MARCHF1: variants seen among roughly 807,000 people sequenced by gnomAD.
MARCHF1 encodes E3 ubiquitin-protein ligase MARCHF1.
A neutral mutation model predicts 54.2 loss-of-function variants in MARCHF1; 40 were observed. That is an observed-to-expected ratio of 0.74 (90% CI 0.57 to 0.96). The LOEUF (loss-of-function observed/expected upper bound fraction) is 0.96. Ranked by LOEUF, MARCHF1 falls within the 40% of genes least tolerant of loss-of-function variation. The probability of loss-of-function intolerance (pLI) is 0.00; values close to 1 mark genes in which losing one functional copy is unlikely to be tolerated. For missense variants in MARCHF1, 586 were observed against 656.5 expected (o/e 0.89, Z 1.17); for synonymous variants, 236 against 236.3 (o/e 1.00, Z 0.01).
At chr4:163,724,239 G>C (rs1257944431) in intron 4 of MARCHF1, among the ~76,000 whole-genome samples, 1 of 152,148 alleles carries the variant, frequency 6.6e-6, no homozygotes, top group Non-Finnish European at 1.5e-5. Flanking sequence ...CCTTCTAATG[G>C]TCACGATCCT....
At chr4:164,351,110 C>A (rs1219549682) in intron 1 of MARCHF1, among the ~76,000 whole-genome samples, 1 of 152,212 alleles carries the variant, frequency 6.6e-6, no homozygotes, top group Non-Finnish European at 1.5e-5. Flanking sequence ...TCGGAGGGTC[C>A]TACCCCACGG....
chr4:164,260,038 C>T (rs13132038), intron 1 of MARCHF1, among the ~76,000 whole-genome samples: 17,697 of 152,016 alleles, frequency 0.12, 1,621 homozygotes, highest in African/African-American at 0.25. Flanking sequence ...AACATATAAC[C>T]GGGGTGAGAA....
At chr4:164,013,973 G>A (rs1029599066) in intron 2 of MARCHF1, among the ~76,000 whole-genome samples, 2 of 151,922 alleles carry the variant, frequency 1.3e-5, no homozygotes, top group Admixed American at 1.3e-4. Flanking sequence ...GATGCAGGTG[G>A]ATCAAGAGAT....
At chr4:163,631,286 A>C (rs1370432006) in intron 5 of MARCHF1, among the ~76,000 whole-genome samples, 3 of 151,918 alleles carry the variant, frequency 2.0e-5, no homozygotes, top group African/African-American at 7.3e-5. Context: ...TCTGCCTCAC[A>C]GATTCAAGCA....
chr4:164,202,061 G>A (rs1329601270), intron 1 of MARCHF1, among the ~76,000 whole-genome samples: 1 of 152,188 alleles, frequency 6.6e-6, no homozygotes, highest in Non-Finnish European at 1.5e-5. Context: ...AGCTCTGCTG[G>A]AACTTGCAAC....
In MARCHF1 at chr4:164,122,400, C is replaced by T. The variant is rs148314915; in HGVS notation, c.-322-10738G>A. Reference sequence around the variant, plus strand: ...TTTGTGCCAATAATGTTCAAGATGGCGGCTCCATCTTTCCTTCTCTTTGTC... The same window carrying T: ...TTTGTGCCAATAATGTTCAAGATGGTGGCTCCATCTTTCCTTCTCTTTGTC... On this transcript the variant is annotated intron_variant, in intron 1 of 9. Transcript: ENST00000514618. Among the ~76,000 whole-genome samples the T allele has an allele frequency of 1.4e-3, 212 of 152,114 alleles. 7 individuals are homozygous for T. The East Asian group carries it at 0.033, about 24-fold the overall frequency.
intron 4 of MARCHF1, among the ~76,000 whole-genome samples, chr4:163,849,898 G>A (rs1240578787): frequency 6.6e-6 from 1 of 150,596 alleles, no homozygotes; most frequent in Non-Finnish European, 1.5e-5. Context: ...TTTCTATACT[G>A]ATTACTAAGT....
intron 3 of MARCHF1, among the ~76,000 whole-genome samples, chr4:163,860,482 T>G (rs1276039651): frequency 3.9e-5 from 6 of 152,116 alleles, no homozygotes. Flanking sequence ...TTGCAGAGGT[T>G]TACTAACCCA....
At chr4:163,833,741 C>T (rs1749098186) in intron 4 of MARCHF1, among the ~76,000 whole-genome samples, 1 of 152,080 alleles carries the variant, frequency 6.6e-6, no homozygotes, top group Admixed American at 6.6e-5. Flanking sequence ...TGGTGTGGGG[C>T]ATGTCATTTT....
intron 1 of MARCHF1, among the ~76,000 whole-genome samples, chr4:164,181,046 G>C (rs370803626): frequency 8.5e-5 from 13 of 152,066 alleles, no homozygotes; most frequent in African/African-American, 2.9e-4. Context: ...TTTTACTGGA[G>C]TCCCACTGCT....
chr4:164,069,827 C>T (rs1228305066), intron 2 of MARCHF1, among the ~76,000 whole-genome samples: 1 of 152,094 alleles, frequency 6.6e-6, no homozygotes, highest in African/African-American at 2.4e-5. Context: ...ATGTTTATCA[C>T]CATGAAATTT....
chr4:164,321,807 T>G (rs987543166), intron 1 of MARCHF1, among the ~76,000 whole-genome samples: 1 of 152,138 alleles, frequency 6.6e-6, no homozygotes, highest in African/African-American at 2.4e-5. Flanking sequence ...AATCAATGGC[T>G]CTTGTATTTA....
intron 9 of MARCHF1, 48 bp downstream of exon 9, chr4:163,545,548 G>A (rs758121722): frequency 1.3e-6 from 2 of 1,580,898 alleles, no homozygotes; most frequent in Admixed American, 1.8e-5. Context: ...CCACCTCTGA[G>A]TATTGTCTTT....
At chr4:164,041,675 T>C (rs912867711) in intron 2 of MARCHF1, among the ~76,000 whole-genome samples, 4 of 152,086 alleles carry the variant, frequency 2.6e-5, no homozygotes, top group Admixed American at 6.6e-5. Flanking sequence ...TCAACATCAA[T>C]GGGAAAATAA....
At chr4:163,733,222 C>T (rs1357852017) in intron 4 of MARCHF1, among the ~76,000 whole-genome samples, 7 of 13,072 alleles carry the variant, frequency 5.4e-4, no homozygotes, top group Admixed American at 1.7e-3. Context: ...TATATATATA[C>T]ACGTGTATAT....
At chr4:164,065,822 G>A (rs1430005079) in intron 2 of MARCHF1, among the ~76,000 whole-genome samples, 1 of 152,206 alleles carries the variant, frequency 6.6e-6, no homozygotes, top group Non-Finnish European at 1.5e-5. Flanking sequence ...AGAACCTGGA[G>A]TCTGATGTCC....
chr4:163,536,492 A>G (rs1476966181), intron 9 of MARCHF1, among the ~76,000 whole-genome samples: 1 of 152,094 alleles, frequency 6.6e-6, no homozygotes, highest in Non-Finnish European at 1.5e-5. Flanking sequence ...CGTGTGCAGT[A>G]TGAGCTCACT....
chr4:164,316,176 G>A (rs1047895192), intron 1 of MARCHF1, among the ~76,000 whole-genome samples: 1 of 152,042 alleles, frequency 6.6e-6, no homozygotes, highest in Non-Finnish European at 1.5e-5. Flanking sequence ...TCAGCTCATT[G>A]GTAACAGAAT....
chr4:164,166,974 T>G (rs1470379140), intron 1 of MARCHF1, among the ~76,000 whole-genome samples: 1 of 151,510 alleles, frequency 6.6e-6, no homozygotes, highest in Non-Finnish European at 1.5e-5. Context: ...TTTTAAATTT[T>G]ATAAATCTTT....
Sources: gnomAD v4.1 joint callset for allele counts (sites outside exome capture counted in the v4.1 genomes callset) on GRCh38, gnomAD v4.1.1 for gene constraint, MANE v1.5 for transcripts, NCBI Gene and HGNC (gene_info 2026-07-23, HGNC 2026-07-21) for gene names.